Variants in OCA2 observed in about 807,000 individuals in gnomAD.
The protein encoded by OCA2 is OCA2 melanosomal transmembrane protein.
In OCA2, 77 loss-of-function variants were observed where a neutral mutation model predicts 100.2. That is an observed-to-expected ratio of 0.77 (90% CI 0.64 to 0.93). The LOEUF (loss-of-function observed/expected upper bound fraction) is 0.93, where lower values mean the gene tolerates loss of function less well. Among genes scored for constraint, OCA2 ranks in the 40% least tolerant of loss-of-function variants. OCA2 has a pLI of 0.00. For missense variants in OCA2, 1,062 were observed against 1,089.1 expected (o/e 0.98, Z 0.35); for synonymous variants, 432 against 439.2 (o/e 0.98, Z 0.21).
At chr15:27,899,428 G>T (rs1307446602) in intron 19 of OCA2, among the ~76,000 whole-genome samples, 2 of 152,140 alleles carry the variant, frequency 1.3e-5, no homozygotes, top group African/African-American at 2.4e-5. Flanking sequence ...AATCACAAGG[G>T]CTCTTATGAT....
At chr15:28,037,297 C>A (rs1418211190) in intron 2 of OCA2, among the ~76,000 whole-genome samples, 1 of 151,794 alleles carries the variant, frequency 6.6e-6, no homozygotes, top group Non-Finnish European at 1.5e-5. Context: ...CCCTCTACAC[C>A]CAGGTCAGGA....
intron 2 of OCA2, among the ~76,000 whole-genome samples, chr15:28,054,065 T>A (rs2043604263): frequency 6.6e-6 from 1 of 152,098 alleles, no homozygotes; most frequent in South Asian, 2.1e-4. Context: ...TATGTGGGCA[T>A]GTGTAAGTGC....
At position 28,018,562 on chromosome 15, in the gene OCA2, G is replaced by C. The variant is rs776346935; in HGVS notation, c.647-5C>G. ...CGTGGCTGCTAAGGTTCACGGCTCG[G>C]AGAGTGTCAAGGAGAACCACAAGGC... is the stretch of plus-strand genomic sequence containing the variant. On this transcript the variant is annotated splice_polypyrimidine_tract_variant and splice_region_variant and intron_variant, in intron 6 of 23. Transcript: ENST00000354638. The C allele has an allele frequency of 1.9e-6, 3 of 1,611,640 alleles. No homozygotes were observed. Among genetic ancestry groups the C allele is most frequent in the Non-Finnish European group, 2.5e-6 (3 of 1,179,522 alleles).
the OCA2 span, among the ~76,000 whole-genome samples, chr15:27,719,033 T>C: frequency 1.3e-5 from 2 of 152,194 alleles, no homozygotes; most frequent in East Asian, 1.9e-4. Flanking sequence ...CATTGTATTG[T>C]ATTGGCCCAG....
rs199716694 is a variant in OCA2 at position 27,851,493 on chromosome 15, A to G, written c.2245-18T>C. Reference sequence around the variant, plus strand: ...ACGGGAATCTGTGGAGGAAGAGGACATTGATGCCACGTCCCATGGACGCTC... The same window carrying G: ...ACGGGAATCTGTGGAGGAAGAGGACGTTGATGCCACGTCCCATGGACGCTC... On this transcript the variant is annotated intron_variant, in intron 21 of 23. Transcript: ENST00000354638. The G allele has an allele frequency of 2.0e-5, 32 of 1,601,716 alleles. No homozygotes were observed. The East Asian group carries it at 5.6e-4, about 28-fold the overall frequency.
At chr15:27,942,367 GAAA>G (rs1265435353) in intron 18 of OCA2, among the ~76,000 whole-genome samples, 1 of 151,840 alleles carries the variant, frequency 6.6e-6, no homozygotes, top group East Asian at 1.9e-4. Flanking sequence ...GATGCACCTT[GAAA>G]ATGTTATGCT....
intron 19 of OCA2, among the ~76,000 whole-genome samples, chr15:27,892,996 T>C (rs886746140): frequency 4.6e-5 from 7 of 152,190 alleles, no homozygotes; most frequent in East Asian, 1.9e-4. Context: ...ACACAAAGTA[T>C]GAAAACACAG....
intron 2 of OCA2, among the ~76,000 whole-genome samples, chr15:28,060,153 G>A (rs995736771): frequency 9.2e-5 from 14 of 152,144 alleles, no homozygotes; most frequent in African/African-American, 3.1e-4. Flanking sequence ...TCAGGGTGCC[G>A]GCCCCGCACT....
chr15:28,072,983 A>C (rs1248066791), intron 2 of OCA2, among the ~76,000 whole-genome samples: 1 of 152,244 alleles, frequency 6.6e-6, no homozygotes, highest in African/African-American at 2.4e-5. Context: ...TCTACCAAAA[A>C]TTCATGCACT....
the OCA2 span, among the ~76,000 whole-genome samples, chr15:27,723,028 A>G: frequency 6.6e-6 from 1 of 151,850 alleles, no homozygotes; most frequent in African/African-American, 2.4e-5. Context: ...TTTTTAGTAG[A>G]GATGGGGTTT....
At position 27,826,271 on chromosome 15, in the gene OCA2, T is replaced by A. The variant is rs1271992004; in HGVS notation, c.2432+18688A>T. 2.0e-5 allele frequency among the ~76,000 whole-genome samples: 3 copies of A among 152,186 alleles called. 1 individual carries two copies. The East Asian group carries it at 5.8e-4, about 29-fold the overall frequency. ...TTTTACCTAAATGAAAGTTACTGCATTCCATGCCTGTAACAGTATTATGAG... is the reference window on the plus strand; with the variant it reads ...TTTTACCTAAATGAAAGTTACTGCAATCCATGCCTGTAACAGTATTATGAG... On this transcript the variant is annotated intron_variant, in intron 23 of 23. Coordinates refer to ENST00000354638, the MANE Select transcript of OCA2 (RefSeq NM_000275.3).
intron 23 of OCA2, among the ~76,000 whole-genome samples, chr15:27,768,104 C>T (rs1008936053): frequency 6.6e-6 from 1 of 152,092 alleles, no homozygotes; most frequent in Non-Finnish European, 1.5e-5. Context: ...GAGGGCCGGC[C>T]CAGGATGGGT....
At chr15:28,081,966 C>T (rs1202454094) in intron 1 of OCA2, 71 bp from the exon 2 acceptor site, 14 of 1,254,166 alleles carry the variant, frequency 1.1e-5, no homozygotes, top group African/African-American at 1.0e-4. Flanking sequence ...CTTGGGAGTC[C>T]GTACAATAGG....
the OCA2 span, among the ~76,000 whole-genome samples, chr15:27,748,969 T>C: frequency 6.7e-6 from 1 of 148,798 alleles, no homozygotes; most frequent in Non-Finnish European, 1.5e-5. Context: ...GAAAAAAAAA[T>C]GAACAGAGCT....
chr15:27,889,652 T>C lies in OCA2; in HGVS notation c.2080-17730A>G, dbSNP rs925994665. Among the ~76,000 whole-genome samples the C allele has an allele frequency of 7.2e-5, 11 of 152,176 alleles. No individual in the cohort carries two copies. The South Asian group carries it at 1.2e-3, about 17-fold the overall frequency. On this transcript the variant is annotated intron_variant, in intron 19 of 23. Coordinates refer to ENST00000354638, the MANE Select transcript of OCA2 (RefSeq NM_000275.3). ...AACATCAAAGCCTCACTGCCCTTCA[T>C]TGACATAATTTGAGGCATTCCGAGG...
chr15:27,754,279 G>A (rs2030179953), downstream of OCA2, among the ~76,000 whole-genome samples: 1 of 152,208 alleles, frequency 6.6e-6, no homozygotes. Context: ...ACAGTAGACA[G>A]GGACACCCAT....
chr15:27,949,027 T>G (rs1335923045), intron 18 of OCA2, among the ~76,000 whole-genome samples: 2 of 152,068 alleles, frequency 1.3e-5, no homozygotes, highest in African/African-American at 4.8e-5. Context: ...AACCTACCTA[T>G]GTGTTAAAAT....
chr15:28,007,868 A>G (rs1041001128), intron 9 of OCA2, among the ~76,000 whole-genome samples: 1 of 152,216 alleles, frequency 6.6e-6, no homozygotes, highest in Non-Finnish European at 1.5e-5. Context: ...CCATCAAGCT[A>G]TTAAAAGACC....
At chr15:28,040,255 A>G (rs768280535) in intron 2 of OCA2, among the ~76,000 whole-genome samples, 1 of 152,188 alleles carries the variant, frequency 6.6e-6, no homozygotes, top group Non-Finnish European at 1.5e-5. Context: ...TAAGCCACAC[A>G]GTCTGGCATT....
Sources: gnomAD v4.1 joint callset for allele counts (sites outside exome capture counted in the v4.1 genomes callset) on GRCh38, gnomAD v4.1.1 for gene constraint, MANE v1.5 for transcripts, NCBI Gene and HGNC (gene_info 2026-07-23, HGNC 2026-07-21) for gene names.